The following VSTM4 variants were observed in gnomAD, a reference collection of about 807,000 sequenced individuals.
VSTM4 encodes the protein V-set and transmembrane domain-containing protein 4.
VSTM4 carries 20 observed loss-of-function variants against 36.4 expected under a neutral mutation model. The ratio of observed to expected loss-of-function variants is 0.55; its 90% confidence interval spans 0.39 to 0.80. The LOEUF is 0.80. Ranked by LOEUF, VSTM4 falls within the 30% of genes least tolerant of loss-of-function variation. The pLI is 0.00. For missense variants in VSTM4, 392 were observed against 404.5 expected (o/e 0.97, Z 0.26); for synonymous variants, 182 against 173.9 (o/e 1.05, Z -0.37).
chr10:49,085,229 T>G (rs1844349300), intron 3 of VSTM4, among the ~76,000 whole-genome samples: 1 of 152,252 alleles, frequency 6.6e-6, no homozygotes, highest in Non-Finnish European at 1.5e-5. Flanking sequence ...GCAATCACAC[T>G]TTGGGAACCA....
In VSTM4 at chr10:49,015,105, G is replaced by A. The variant is rs972691905; in HGVS notation, c.*4545C>T. 6.8e-6 allele frequency: 1 copy of A among 147,830 alleles called. No homozygotes were observed. The highest frequency in any genetic ancestry group is 2.0e-4 in the East Asian group (1 of 5,014). 9.2% of individuals were successfully genotyped at this position (147,830 alleles called of 1,614,324 possible). On this transcript the variant is annotated 3_prime_UTR_variant, in exon 8 of 8. Coordinates refer to ENST00000332853, the MANE Select transcript of VSTM4 (RefSeq NM_001031746.5). ...TCCCAGGTCCTATCCCAGACCTCCT[G>A]AGCCAGGATCTACATTTTTTTTTTT...
chr10:49,070,208 C>A (rs1475827789), intron 4 of VSTM4, among the ~76,000 whole-genome samples: 1 of 58,342 alleles, frequency 1.7e-5, no homozygotes, highest in Non-Finnish European at 3.1e-5. Context: ...AGCCGAGATC[C>A]CGCCACTGCA....
chr10:49,103,801 G>A lies in VSTM4; in HGVS notation c.457+3793C>T, dbSNP rs765464077. 1.9e-6 allele frequency: 3 copies of A among 1,614,088 alleles called. No homozygotes were observed. In the South Asian group the frequency reaches 3.3e-5, roughly 18 times the overall value. On this transcript the variant is annotated intron_variant, in intron 2 of 7. Coordinates refer to ENST00000332853, the MANE Select transcript of VSTM4 (RefSeq NM_001031746.5). ...TCTGCGGTGAAGGGCAAAGAGTGAG[G>A]TAGTATTACAAGGGAAATCCCAAGA... is the stretch of plus-strand genomic sequence containing the variant.
intron 5 of VSTM4, among the ~76,000 whole-genome samples, chr10:49,050,514 T>A (rs888461151): frequency 6.6e-6 from 1 of 152,220 alleles, no homozygotes; most frequent in South Asian, 2.1e-4. Context: ...CCCACTGAGA[T>A]TCCCCAAAGA....
intron 7 of VSTM4, among the ~76,000 whole-genome samples, chr10:49,040,861 T>C (rs1843510782): frequency 6.6e-6 from 1 of 151,974 alleles, no homozygotes; most frequent in Non-Finnish European, 1.5e-5. Flanking sequence ...TCAGTGGAGG[T>C]TGTCAGATTG....
intron 2 of VSTM4, chr10:49,103,855 A>G: frequency 6.2e-7 from 1 of 1,613,930 alleles, no homozygotes; most frequent in Non-Finnish European, 8.5e-7. Flanking sequence ...GGATGGCTGG[A>G]GACTCCTGTT....
rs78478308 is a variant in VSTM4, at chr10:49,046,605, C to T, written c.837+378G>A. 1.6e-3 allele frequency among the ~76,000 whole-genome samples: 250 copies of T among 152,300 alleles called. 2 individuals are homozygous for T. The East Asian group carries it at 0.021, about 13-fold the overall frequency. ...CCAGCTTTACAACTTTTCTGTAAAT[C>T]TAAAATTGTTCAAAATCAAAAGCTA... On this transcript the variant is annotated intron_variant, in intron 7 of 7. Coordinates refer to ENST00000332853, the MANE Select transcript of VSTM4 (RefSeq NM_001031746.5).
chr10:49,043,590 T>C (rs545921134), intron 7 of VSTM4, among the ~76,000 whole-genome samples: 1 of 152,144 alleles, frequency 6.6e-6, no homozygotes, highest in African/African-American at 2.4e-5. Flanking sequence ...CAAGTAAAGG[T>C]AATGAAGGGA....
chr10:49,091,587 C>T (rs1208848194), intron 2 of VSTM4, among the ~76,000 whole-genome samples: 1 of 152,178 alleles, frequency 6.6e-6, no homozygotes, highest in African/African-American at 2.4e-5. Context: ...TTGGAAAGAA[C>T]ACCCTGCCAA....
chr10:49,032,120 A>C (rs2466750), intron 7 of VSTM4, among the ~76,000 whole-genome samples: 134,506 of 152,216 alleles, frequency 0.88, 60,031 homozygotes, highest in East Asian at 0.98. Flanking sequence ...AGGTATCATC[A>C]ATTTGGTAGC....
intron 3 of VSTM4, among the ~76,000 whole-genome samples, chr10:49,077,863 A>G (rs1044236734): frequency 1.3e-5 from 2 of 152,218 alleles, no homozygotes; most frequent in African/African-American, 4.8e-5. Flanking sequence ...AAACATATAA[A>G]GAGGATAAAA....
intron 2 of VSTM4, among the ~76,000 whole-genome samples, chr10:49,097,174 G>A (rs1175542655): frequency 6.6e-6 from 1 of 152,156 alleles, no homozygotes; most frequent in African/African-American, 2.4e-5. Flanking sequence ...CTACAGCTGG[G>A]GCCCATCTTT....
intron 6 of VSTM4, among the ~76,000 whole-genome samples, chr10:49,047,472 A>G (rs558600931): frequency 1.3e-5 from 2 of 152,322 alleles, no homozygotes; most frequent in East Asian, 3.9e-4. Flanking sequence ...AGAAAAAGAA[A>G]GTGAGGCCCT....
chr10:49,075,025 C>G (rs546141524), intron 4 of VSTM4, among the ~76,000 whole-genome samples: 1 of 152,318 alleles, frequency 6.6e-6, no homozygotes, highest in Non-Finnish European at 1.5e-5. Context: ...GGTGCCTGGC[C>G]CACAGCGGGT....
chr10:49,081,471 G>A (rs921983984), intron 3 of VSTM4, among the ~76,000 whole-genome samples: 4 of 152,216 alleles, frequency 2.6e-5, no homozygotes, highest in Non-Finnish European at 5.9e-5. Flanking sequence ...CAGAACAGCA[G>A]GAACCCAGGA....
intron 1 of VSTM4, among the ~76,000 whole-genome samples, chr10:49,109,074 T>A (rs1204669150): frequency 6.6e-6 from 1 of 152,022 alleles, no homozygotes; most frequent in Non-Finnish European, 1.5e-5. Context: ...AGGTTCCATG[T>A]CCCCACCCCT....
intron 2 of VSTM4, among the ~76,000 whole-genome samples, chr10:49,093,123 C>T (rs1844508093): frequency 6.6e-6 from 1 of 152,202 alleles, no homozygotes; most frequent in African/African-American, 2.4e-5. Flanking sequence ...ATACAGAAAG[C>T]CCTCTGTCCT....
intron 2 of VSTM4, among the ~76,000 whole-genome samples, chr10:49,093,851 C>T (rs1424695682): frequency 6.6e-6 from 1 of 150,926 alleles, no homozygotes; most frequent in Non-Finnish European, 1.5e-5. Flanking sequence ...GGGTTCACGC[C>T]GTCCTCCTGC....
At chr10:49,099,772 C>G (rs1242765187) in intron 2 of VSTM4, among the ~76,000 whole-genome samples, 1 of 152,212 alleles carries the variant, frequency 6.6e-6, no homozygotes. Context: ...TGTGAATAAG[C>G]CAGGCATGGC....
Sources: allele counts gnomAD v4.1 joint callset (sites outside exome capture counted in the v4.1 genomes callset), GRCh38; gene constraint gnomAD v4.1.1; transcripts MANE v1.5; gene names NCBI Gene and HGNC (gene_info 2026-07-23, HGNC 2026-07-21).